Variants in LIN28B observed in about 807,000 individuals in gnomAD.
The protein encoded by LIN28B is protein lin-28 homolog B.
A neutral mutation model predicts 21.9 loss-of-function variants in LIN28B; 5 were observed. The observed-to-expected ratio is 0.23, with a 90% CI of 0.12 to 0.48. The LOEUF is 0.48. LIN28B is among the 20% of genes least tolerant of loss of function. The pLI is 0.98. For missense variants in LIN28B, 245 were observed against 310.5 expected (o/e 0.79, Z 1.58); for synonymous variants, 109 against 111.3 (o/e 0.98, Z 0.13).
chr6:104,996,897 A>T (rs1770617486), intron 2 of LIN28B, among the ~76,000 whole-genome samples: 1 of 152,112 alleles, frequency 6.6e-6, no homozygotes, highest in East Asian at 1.9e-4. Flanking sequence ...AGGTAGGAAG[A>T]TCACTTCACC....
chr6:104,938,489 A>C (rs1233530882), intron 2 of LIN28B, among the ~76,000 whole-genome samples: 1 of 151,982 alleles, frequency 6.6e-6, no homozygotes, highest in Non-Finnish European at 1.5e-5. Context: ...AAATACAAAA[A>C]TTAGCTGCGT....
intron 2 of LIN28B, among the ~76,000 whole-genome samples, chr6:104,963,469 T>C (rs912339092): frequency 6.6e-6 from 1 of 152,234 alleles, no homozygotes; most frequent in Non-Finnish European, 1.5e-5. Flanking sequence ...TACAAAGACA[T>C]TCTGATTCAA....
At chr6:105,022,977 G>T (rs1211523204) in intron 2 of LIN28B, among the ~76,000 whole-genome samples, 4 of 151,018 alleles carry the variant, frequency 2.6e-5, no homozygotes, top group Admixed American at 6.7e-5. Flanking sequence ...AAATGGTTTG[G>T]GTAAAAGTAA....
At chr6:105,029,977 C>G (rs1009920187) in intron 3 of LIN28B, among the ~76,000 whole-genome samples, 2 of 152,122 alleles carry the variant, frequency 1.3e-5, no homozygotes, top group African/African-American at 4.8e-5. Context: ...ACTGATCTGG[C>G]AAGGTACGAG....
At chr6:104,983,957 A>G (rs1582878285) in intron 2 of LIN28B, among the ~76,000 whole-genome samples, 1 of 152,316 alleles carries the variant, frequency 6.6e-6, no homozygotes, top group East Asian at 1.9e-4. Context: ...CAATTTATGT[A>G]CTTATGGACT....
At chr6:105,040,048 CT>C in intron 3 of LIN28B, among the ~76,000 whole-genome samples, 1 of 152,194 alleles carries the variant, frequency 6.6e-6, no homozygotes, top group Non-Finnish European at 1.5e-5. Context: ...AAATTGCTTT[CT>C]TTTTCTCCTC....
At chr6:104,967,838 C>T (rs1198521275) in intron 2 of LIN28B, among the ~76,000 whole-genome samples, 1 of 151,968 alleles carries the variant, frequency 6.6e-6, no homozygotes, top group Non-Finnish European at 1.5e-5. Flanking sequence ...ACCACCATGC[C>T]TGGCACATGC....
At chr6:105,050,462 C>T (rs1248724282) in intron 3 of LIN28B, among the ~76,000 whole-genome samples, 1 of 151,380 alleles carries the variant, frequency 6.6e-6, no homozygotes, top group African/African-American at 2.4e-5. Context: ...ATTAGCCGGG[C>T]GCGGTGGCGG....
intron 2 of LIN28B, among the ~76,000 whole-genome samples, chr6:104,998,181 A>G (rs985204046): frequency 6.6e-6 from 1 of 152,214 alleles, no homozygotes; most frequent in Non-Finnish European, 1.5e-5. Context: ...GAAGTGTTTC[A>G]TGTTATAAGA....
chr6:104,938,831 TCCC>T (rs1562555902), intron 2 of LIN28B, among the ~76,000 whole-genome samples: 3 of 152,154 alleles, frequency 2.0e-5, no homozygotes, highest in African/African-American at 7.2e-5. Context: ...TATTATAATG[TCCC>T]ATTTTTTATT....
chr6:104,976,234 C>T (rs1230820792), intron 2 of LIN28B, among the ~76,000 whole-genome samples: 1 of 152,150 alleles, frequency 6.6e-6, no homozygotes, highest in African/African-American at 2.4e-5. Flanking sequence ...ACAATTTCAT[C>T]ACACAAATGA....
intron 3 of LIN28B, among the ~76,000 whole-genome samples, chr6:105,075,873 T>C (rs890051774): frequency 6.6e-6 from 1 of 152,224 alleles, no homozygotes; most frequent in African/African-American, 2.4e-5. Context: ...ACCTATTTTC[T>C]GTCTCTTTGA....
At chr6:105,014,613 C>T (rs1166627420) in intron 2 of LIN28B, among the ~76,000 whole-genome samples, 1 of 152,184 alleles carries the variant, frequency 6.6e-6, no homozygotes, top group East Asian at 1.9e-4. Flanking sequence ...TGAGCCACTG[C>T]ACCTGGCCTT....
chr6:104,991,257 G>T (rs1020010090), intron 2 of LIN28B, among the ~76,000 whole-genome samples: 29 of 151,614 alleles, frequency 1.9e-4, no homozygotes, highest in Non-Finnish European at 2.9e-4. Context: ...CCTCCCGGAC[G>T]GGGTGGCTGC....
At chr6:105,051,630 G>T (rs888199912) in intron 3 of LIN28B, among the ~76,000 whole-genome samples, 3 of 151,924 alleles carry the variant, frequency 2.0e-5, no homozygotes, top group Admixed American at 6.6e-5. Flanking sequence ...GATCTGGTCT[G>T]CCTTATTTAC....
intron 3 of LIN28B, among the ~76,000 whole-genome samples, chr6:105,030,665 A>G (rs1159189620): frequency 2.3e-5 from 3 of 130,762 alleles, no homozygotes; most frequent in African/African-American, 8.9e-5. Flanking sequence ...GGCCTGATCT[A>G]GGCTCATTGC....
intron 3 of LIN28B, chr6:105,058,047 T>C (rs974620777): frequency 2.3e-5 from 9 of 384,716 alleles, no homozygotes; most frequent in Non-Finnish European, 4.5e-5. Flanking sequence ...CAGAAATTCA[T>C]ATTTCTTGAA....
chr6:104,989,014 TC>T (rs2114263618), intron 2 of LIN28B, among the ~76,000 whole-genome samples: 1 of 152,354 alleles, frequency 6.6e-6, no homozygotes, highest in African/African-American at 2.4e-5. Flanking sequence ...CTTCATACTT[TC>T]TATATGATCT....
chr6:105,024,929 T>G (rs1034524424), intron 2 of LIN28B, among the ~76,000 whole-genome samples: 1 of 152,182 alleles, frequency 6.6e-6, no homozygotes, highest in Admixed American at 6.5e-5. Flanking sequence ...GTCAGGAAAC[T>G]GCTGAGTTAA....
Sources: gnomAD v4.1 joint callset for allele counts (sites outside exome capture counted in the v4.1 genomes callset) on GRCh38, gnomAD v4.1.1 for gene constraint, MANE v1.5 for transcripts, NCBI Gene and HGNC (gene_info 2026-07-23, HGNC 2026-07-21) for gene names.